The following SNX29 variants were observed in gnomAD, a reference collection of about 807,000 sequenced individuals.
SNX29 encodes the protein sorting nexin-29.
SNX29 carries 78 observed loss-of-function variants against 102.1 expected under a neutral mutation model. The ratio of observed to expected loss-of-function variants is 0.76; its 90% CI spans 0.64 to 0.92. SNX29 has a LOEUF of 0.92. Among genes scored for constraint, SNX29 ranks in the 40% least tolerant of loss-of-function variants. The probability of loss-of-function intolerance (pLI) is 0.00; values close to 1 mark genes in which losing one functional copy is unlikely to be tolerated. For missense variants in SNX29, 1,280 were observed against 1,061.7 expected, an observed-to-expected ratio of 1.21 and a Z score of -2.86; for synonymous variants, 580 against 414.5, an observed-to-expected ratio of 1.40 and a Z score of -4.85.
At chr16:12,304,222 A>G (rs895940268) in intron 15 of SNX29, among the ~76,000 whole-genome samples, 46 of 152,104 alleles carry the variant, frequency 3.0e-4, no homozygotes, top group African/African-American at 9.4e-4. Context: ...CTTGACAGAA[A>G]TGTGAGCTCA....
chr16:12,124,378 T>C (rs1333511006), intron 11 of SNX29, among the ~76,000 whole-genome samples: 1 of 151,818 alleles, frequency 6.6e-6, no homozygotes, highest in Non-Finnish European at 1.5e-5. Context: ...AAACTGATAT[T>C]CTTTCTACAC....
chr16:12,572,262 G>T lies in SNX29; in HGVS notation c.*3633G>T, dbSNP rs974701114. On this transcript the variant is annotated 3_prime_UTR_variant, in exon 21 of 21. Coordinates refer to ENST00000566228, the MANE Select transcript of SNX29 (RefSeq NM_032167.5). ...CACCAGGTGGATTGATACCATGGCT[G>T]TAGCTGATGCAACTAACAAGTACTG... 9.4e-7 allele frequency: 1 copy of T among 1,058,284 alleles called. No individual in the cohort carries two copies. The highest frequency in any genetic ancestry group is 1.1e-6 in the Non-Finnish European group (1 of 873,618). 65.6% of individuals were successfully genotyped at this position (1,058,284 alleles called of 1,614,324 possible).
At chr16:12,139,182 G>C (rs1394659769) in intron 13 of SNX29, among the ~76,000 whole-genome samples, 7 of 127,068 alleles carry the variant, frequency 5.5e-5, no homozygotes, top group African/African-American at 1.8e-4. Flanking sequence ...CTGGGCGATA[G>C]AGCGAGACTC....
At chr16:12,354,109 G>C (rs2082066517) in intron 15 of SNX29, among the ~76,000 whole-genome samples, 1 of 152,144 alleles carries the variant, frequency 6.6e-6, no homozygotes, top group African/African-American at 2.4e-5. Flanking sequence ...TCTGAGTCTT[G>C]AATTTATTTC....
intron 19 of SNX29, among the ~76,000 whole-genome samples, chr16:12,500,081 T>A (rs1467336191): frequency 1.3e-5 from 2 of 152,134 alleles, no homozygotes; most frequent in Non-Finnish European, 2.9e-5. Context: ...AGCCTCAAAC[T>A]CCTGGGCTTA....
At position 12,039,242 on chromosome 16, in the gene SNX29, C is replaced by G. The variant is rs546538820; in HGVS notation, c.248-3655C>G. Among the ~76,000 whole-genome samples the G allele has an allele frequency of 1.2e-4, 18 of 152,372 alleles. 1 individual carries two copies. The East Asian group carries it at 2.7e-3, about 23-fold the overall frequency. On this transcript the variant is annotated intron_variant, in intron 4 of 20. Transcript: ENST00000566228. Reference sequence around the variant, plus strand: ...CTGATTGGTCATCATGGACTGGGCACTGTGCTCGGTGCTTTCCTTCCCTTT... The same window carrying G: ...CTGATTGGTCATCATGGACTGGGCAGTGTGCTCGGTGCTTTCCTTCCCTTT...
intron 18 of SNX29, among the ~76,000 whole-genome samples, chr16:12,460,876 C>G (rs1260088353): frequency 1.3e-5 from 2 of 152,114 alleles, no homozygotes; most frequent in African/African-American, 2.4e-5. Context: ...CCAGGCTGGT[C>G]TCGAACGCCT....
intron 14 of SNX29, among the ~76,000 whole-genome samples, chr16:12,268,028 C>T (rs1033939916): frequency 2.6e-5 from 4 of 152,182 alleles, no homozygotes; most frequent in Non-Finnish European, 5.9e-5. Context: ...TTGCGGTTCC[C>T]GGGAACGTTC....
chr16:12,248,904 G>C, intron 14 of SNX29, among the ~76,000 whole-genome samples: 1 of 152,160 alleles, frequency 6.6e-6, no homozygotes, highest in African/African-American at 2.4e-5. Context: ...TCTCTGCCGA[G>C]TCTTAGTGTC....
At chr16:12,463,684 GT>G (rs1292899542) in intron 18 of SNX29, among the ~76,000 whole-genome samples, 1 of 152,120 alleles carries the variant, frequency 6.6e-6, no homozygotes, top group Non-Finnish European at 1.5e-5. Flanking sequence ...ATTAAAAATT[GT>G]TTTTAAATTT....
At chr16:12,074,776 A>T (rs2051468944) in intron 10 of SNX29, among the ~76,000 whole-genome samples, 1 of 152,206 alleles carries the variant, frequency 6.6e-6, no homozygotes, top group East Asian at 1.9e-4. Flanking sequence ...ACTTGGTTCC[A>T]TTCTCCCCGT....
chr16:12,040,406 TTTTA>T, intron 4 of SNX29, among the ~76,000 whole-genome samples: 1 of 152,294 alleles, frequency 6.6e-6, no homozygotes, highest in East Asian at 1.9e-4. Flanking sequence ...ATATAACAAA[TTTTA>T]AAAATCTGTG....
chr16:12,210,489 C>T (rs548192679), intron 14 of SNX29, among the ~76,000 whole-genome samples: 7 of 151,922 alleles, frequency 4.6e-5, no homozygotes, highest in Non-Finnish European at 8.8e-5. Flanking sequence ...CCATCACTCT[C>T]GGTGGGACTG....
At chr16:12,063,378 T>G in intron 9 of SNX29, among the ~76,000 whole-genome samples, 1 of 115,990 alleles carries the variant, frequency 8.6e-6, no homozygotes, top group Non-Finnish European at 1.8e-5. Context: ...TTTTTTTTTT[T>G]TTTTTTTTTT....
At chr16:12,478,004 G>C in intron 19 of SNX29, 145 bp downstream of exon 19, 1 of 970,092 alleles carries the variant, frequency 1.0e-6, no homozygotes, top group Non-Finnish European at 1.5e-6. Flanking sequence ...AAAAGAAATA[G>C]CCATTCATAA....
intron 9 of SNX29, among the ~76,000 whole-genome samples, chr16:12,064,686 G>A (rs989132718): frequency 1.3e-5 from 2 of 152,220 alleles, no homozygotes; most frequent in African/African-American, 4.8e-5. Context: ...GGGACGCCAG[G>A]TTGCATCAAG....
intron 13 of SNX29, among the ~76,000 whole-genome samples, chr16:12,189,321 G>A (rs60632965): frequency 6.6e-6 from 1 of 152,078 alleles, no homozygotes; most frequent in East Asian, 1.9e-4. Flanking sequence ...AATGACACAT[G>A]GCATGTGATT....
chr16:12,558,367 G>A (rs1278721434), intron 20 of SNX29, among the ~76,000 whole-genome samples: 1 of 152,188 alleles, frequency 6.6e-6, no homozygotes, highest in African/African-American at 2.4e-5. Context: ...ACAGCCATTG[G>A]TAACCATCGG....
chr16:12,013,414 G>T (rs544875114), intron 3 of SNX29, among the ~76,000 whole-genome samples: 4 of 141,928 alleles, frequency 2.8e-5, no homozygotes, highest in Non-Finnish European at 6.1e-5. Flanking sequence ...GAGGCTGAGT[G>T]GGGGACAGAT....
Sources: allele counts gnomAD v4.1 joint callset (sites outside exome capture counted in the v4.1 genomes callset), GRCh38; gene constraint gnomAD v4.1.1; transcripts MANE v1.5; gene names NCBI Gene and HGNC (gene_info 2026-07-23, HGNC 2026-07-21).